Variants in SORCS3 observed in about 807,000 individuals in gnomAD.
SORCS3 encodes VPS10 domain-containing receptor SorCS3.
A neutral mutation model predicts 146.3 loss-of-function variants in SORCS3; 57 were observed. That is an observed-to-expected ratio of 0.39 (90% confidence interval 0.31 to 0.49). The LOEUF (loss-of-function observed/expected upper bound fraction) is 0.49, where lower values mean the gene tolerates loss of function less well. Ranked by LOEUF, SORCS3 falls within the 20% of genes least tolerant of loss-of-function variation. The pLI, the probability that SORCS3 is intolerant of heterozygous loss-of-function variation, is 0.92. For synonymous variants in SORCS3, 653 were observed against 618.5 expected (o/e 1.06, Z -0.83); for missense variants, 1,341 against 1,575.5 (o/e 0.85, Z 2.52).
At chr10:104,981,638 T>C (rs770661432) in intron 4 of SORCS3, among the ~76,000 whole-genome samples, 2 of 152,182 alleles carry the variant, frequency 1.3e-5, no homozygotes, top group Non-Finnish European at 2.9e-5. Context: ...ATCCTAGAAA[T>C]ATAGCTGCTG....
chr10:104,867,335 A>T (rs1479138631), intron 2 of SORCS3, among the ~76,000 whole-genome samples: 1 of 150,182 alleles, frequency 6.7e-6, no homozygotes, highest in African/African-American at 2.5e-5. Flanking sequence ...TTTGAGACGA[A>T]GTCTCGCTCT....
intron 1 of SORCS3, among the ~76,000 whole-genome samples, chr10:104,667,121 G>A (rs542703525): frequency 7.2e-5 from 11 of 152,312 alleles, no homozygotes; most frequent in Non-Finnish European, 1.3e-4. Flanking sequence ...CTTTCAGTGA[G>A]GAGATACTGG....
intron 22 of SORCS3, among the ~76,000 whole-genome samples, chr10:105,247,804 A>G (rs955634418): frequency 6.6e-6 from 1 of 152,194 alleles, no homozygotes; most frequent in Non-Finnish European, 1.5e-5. Flanking sequence ...AGAAGGAAGA[A>G]GAGAAGTATA....
Position 105,061,125 on chromosome 10 carries a change from A to G in SORCS3, c.1028+17997A>G, listed in dbSNP as rs147882855. ...ATAGACTTTACAAATAATTTTTTAA[A>G]CAAGGGCTCAAATTCAGCATAATAT... On this transcript the variant is annotated intron_variant, in intron 5 of 26. Transcript: ENST00000369701. Among the ~76,000 whole-genome samples the G allele has an allele frequency of 3.6e-3, 549 of 152,234 alleles. 6 individuals are homozygous for G. Among genetic ancestry groups the G allele is most frequent in the Middle Eastern group, 0.027 (8 of 294 alleles).
rs192776771 is a variant in SORCS3 at position 104,762,805 on chromosome 10, G to A, written c.628-79987G>A. On this transcript the variant is annotated intron_variant, in intron 1 of 26. Transcript: ENST00000369701. ...CCATCATGATTGTAAGTTTCCTGAG[G>A]CTTCTCTAGCCATGCGGAACTGAGT... Among the ~76,000 whole-genome samples, 8 of 152,236 alleles carry A rather than the reference G, an allele frequency of 5.3e-5. No individual in the cohort carries two copies. The East Asian group carries it at 1.5e-3, about 29-fold the overall frequency.
chr10:104,935,462 C>A (rs1208073391), intron 3 of SORCS3, among the ~76,000 whole-genome samples: 1 of 152,138 alleles, frequency 6.6e-6, no homozygotes, highest in Non-Finnish European at 1.5e-5. Flanking sequence ...CCAGGGTTGG[C>A]AATTTATAAA....
At chr10:105,100,240 C>T (rs959902180) in intron 6 of SORCS3, among the ~76,000 whole-genome samples, 9 of 152,178 alleles carry the variant, frequency 5.9e-5, no homozygotes, top group African/African-American at 2.2e-4. Flanking sequence ...ACCACACCAG[C>T]TCTTAGAAAT....
At chr10:105,070,352 G>A (rs2055548794) in intron 5 of SORCS3, among the ~76,000 whole-genome samples, 1 of 152,210 alleles carries the variant, frequency 6.6e-6, no homozygotes, top group Non-Finnish European at 1.5e-5. Context: ...CTCTAAAGCT[G>A]AGATTTTAAT....
At chr10:104,773,287 T>C (rs1303786280) in intron 1 of SORCS3, among the ~76,000 whole-genome samples, 3 of 152,182 alleles carry the variant, frequency 2.0e-5, no homozygotes, top group Non-Finnish European at 2.9e-5. Flanking sequence ...CTAGTTAGGC[T>C]ATGAGTTCCT....
At chr10:105,200,186 A>T (rs2056566483) in intron 15 of SORCS3, 70 bp downstream of exon 15, 1 of 1,189,772 alleles carries the variant, frequency 8.4e-7, no homozygotes, top group African/African-American at 1.5e-5. Flanking sequence ...ACTGGGTCTT[A>T]TCTGAGCCTT....
intron 4 of SORCS3, among the ~76,000 whole-genome samples, chr10:105,018,572 A>T (rs1279291936): frequency 6.6e-6 from 1 of 152,226 alleles, no homozygotes; most frequent in Non-Finnish European, 1.5e-5. Flanking sequence ...CCTTGTAGAA[A>T]TGTGGATTTG....
intron 19 of SORCS3, among the ~76,000 whole-genome samples, chr10:105,219,181 A>G (rs2056683992): frequency 6.6e-6 from 1 of 152,170 alleles, no homozygotes; most frequent in Non-Finnish European, 1.5e-5. Flanking sequence ...ACTCATGACT[A>G]TGATTCATTA....
chr10:104,796,108 G>T (rs913407576), intron 1 of SORCS3, among the ~76,000 whole-genome samples: 3 of 152,176 alleles, frequency 2.0e-5, no homozygotes, highest in Non-Finnish European at 4.4e-5. Context: ...CCTCAAAGAG[G>T]GATTGCATGA....
chr10:105,188,951 G>A (rs1400958708), intron 14 of SORCS3, among the ~76,000 whole-genome samples: 2 of 152,164 alleles, frequency 1.3e-5, no homozygotes, highest in Non-Finnish European at 2.9e-5. Flanking sequence ...TGACTCACCG[G>A]AATCCACAGC....
chr10:105,198,568 C>T (rs898440310), intron 14 of SORCS3, among the ~76,000 whole-genome samples: 2 of 152,132 alleles, frequency 1.3e-5, no homozygotes, highest in Admixed American at 6.6e-5. Flanking sequence ...AGTGGATGAC[C>T]TGGCATTGAT....
intron 1 of SORCS3, among the ~76,000 whole-genome samples, chr10:104,741,489 T>C (rs2133460673): frequency 6.6e-6 from 1 of 152,010 alleles, no homozygotes; most frequent in African/African-American, 2.4e-5. Flanking sequence ...GTGTCTTTTG[T>C]CAAATTTGGG....
At chr10:104,658,260 G>T (rs1232198314) in intron 1 of SORCS3, among the ~76,000 whole-genome samples, 1 of 152,196 alleles carries the variant, frequency 6.6e-6, no homozygotes, top group Non-Finnish European at 1.5e-5. Flanking sequence ...CATGTCTGGG[G>T]AGAAAGGGCT....
chr10:104,832,467 C>G (rs911573885), intron 1 of SORCS3, among the ~76,000 whole-genome samples: 2 of 152,138 alleles, frequency 1.3e-5, no homozygotes, highest in African/African-American at 2.4e-5. Flanking sequence ...CCTGTAATCC[C>G]AGCACTTTGG....
chr10:104,816,149 C>A (rs1247649957), intron 1 of SORCS3, among the ~76,000 whole-genome samples: 1 of 152,132 alleles, frequency 6.6e-6, no homozygotes, highest in East Asian at 1.9e-4. Context: ...CTTTGTCATT[C>A]TGCCAGAATG....
Sources: gnomAD v4.1 joint callset for allele counts (sites outside exome capture counted in the v4.1 genomes callset) on GRCh38, gnomAD v4.1.1 for gene constraint, MANE v1.5 for transcripts, NCBI Gene and HGNC (gene_info 2026-07-23, HGNC 2026-07-21) for gene names.